VPS4A: variants seen among roughly 807,000 people sequenced by gnomAD.
VPS4A encodes the protein vacuolar protein sorting-associated protein 4A.
In VPS4A, 20 loss-of-function variants were observed where a neutral mutation model predicts 52.3. The observed-to-expected ratio is 0.38, with a 90% CI of 0.27 to 0.56. The LOEUF (loss-of-function observed/expected upper bound fraction) is 0.56, where lower values mean the gene tolerates loss of function less well. VPS4A is among the 20% of genes least tolerant of loss of function. VPS4A has a pLI of 0.72. For missense variants in VPS4A, 419 were observed against 575.9 expected, an observed-to-expected ratio of 0.73 and a Z score of 2.79; for synonymous variants, 293 against 227.7, an observed-to-expected ratio of 1.29 and a Z score of -2.58.
intron 4 of VPS4A, 41 bp downstream of exon 4, chr16:69,318,752 AGT>A (rs750253419): frequency 1.2e-6 from 2 of 1,612,902 alleles, no homozygotes; most frequent in South Asian, 2.2e-5. Flanking sequence ...AGGGGATGAG[AGT>A]GGGTCCGCTG....
At chr16:69,315,639 G>A (rs997663634) in intron 1 of VPS4A, among the ~76,000 whole-genome samples, 1 of 152,078 alleles carries the variant, frequency 6.6e-6, no homozygotes, top group Non-Finnish European at 1.5e-5. Context: ...ACTTGCTCCC[G>A]CGTGTCCCTT....
intron 10 of VPS4A, among the ~76,000 whole-genome samples, chr16:69,323,960 A>AAAAAAAG (rs1567425639): frequency 7.3e-5 from 11 of 151,098 alleles, no homozygotes; most frequent in African/African-American, 2.7e-4. Context: ...AAAAAAAAAA[A>AAAAAAAG]AAAAAGAAAG....
intron 5 of VPS4A, 110 bp downstream of exon 5, chr16:69,319,052 A>G (rs1965475884): frequency 2.0e-5 from 29 of 1,483,758 alleles, no homozygotes; most frequent in Non-Finnish European, 2.6e-5. Flanking sequence ...GGGCCTGCAG[A>G]GGGCCAGGCC....
intron 1 of VPS4A, among the ~76,000 whole-genome samples, chr16:69,313,845 A>G (rs767909216): frequency 1.3e-5 from 2 of 152,102 alleles, no homozygotes; most frequent in African/African-American, 4.8e-5. Context: ...ATCTTTTGCC[A>G]TACGTGTTAC....
At chr16:69,319,583 G>C in intron 6 of VPS4A, 40 bp downstream of exon 6, 1 of 1,587,984 alleles carries the variant, frequency 6.3e-7, no homozygotes, top group Non-Finnish European at 8.6e-7. Flanking sequence ...AGCAGCCCCG[G>C]CACTGCTAGT....
In VPS4A at chr16:69,324,234, C is replaced by T; in HGVS notation, c.1239C>T (p.Thr413=). ...CGGACATGCTGCGGTCTCTGGCCACCACCCGGCCCACGGTGAATGCAGACG... is the reference window on the plus strand; with the variant it reads ...CGGACATGCTGCGGTCTCTGGCCACTACCCGGCCCACGGTGAATGCAGACG... ...CMSDMLRSLA[T]TRPTVNADDL... The change falls in exon 11 of 11, where the codon ACC becomes ACT. Residue 413 remains threonine, a synonymous_variant. Transcript: ENST00000254950. 1.2e-6 allele frequency: 2 copies of T among 1,613,822 alleles called. No individual in the cohort carries two copies. The highest frequency in any genetic ancestry group is 2.2e-5 in the East Asian group (1 of 44,872).
chr16:69,320,990 C>A lies in VPS4A; in HGVS notation c.852-61C>A. On this transcript the variant is annotated intron_variant, in intron 8 of 10. Coordinates refer to ENST00000254950, the MANE Select transcript of VPS4A (RefSeq NM_013245.3). The surrounding 1 kb of genome is among the most constrained non-coding windows in gnomAD (Gnocchi z 4.2). Reference sequence around the variant, plus strand: ...GTTTCACTCAAATCTTCGTGCCTCCCCTTCCGTGAATACCATTCCATCATC... The same window carrying A: ...GTTTCACTCAAATCTTCGTGCCTCCACTTCCGTGAATACCATTCCATCATC... 6.7e-7 allele frequency: 1 copy of A among 1,495,618 alleles called. No homozygotes were observed. The allele number at this position is 1,495,618 out of a possible 1,614,324, so 92.6% of individuals were successfully genotyped here.
chr16:69,311,589 C>G (rs1405455958), intron 1 of VPS4A, 57 bp downstream of exon 1: 1 of 1,244,674 alleles, frequency 8.0e-7, no homozygotes, highest in Non-Finnish European at 1.0e-6. Flanking sequence ...GCCTGCGGGC[C>G]GCAGAGCCGG....
Position 69,320,703 on chromosome 16 carries a change from A to G in VPS4A, c.785A>G (p.Asn262Ser). The change falls in exon 8 of 11, where the codon AAT (asparagine) becomes AGT (serine). Residue 262 changes from asparagine to serine, a missense_variant. Asn to Ser is a conservative substitution (Grantham distance 46). Coordinates refer to ENST00000254950, the MANE Select transcript of VPS4A (RefSeq NM_013245.3). The surrounding 1 kb of genome is among the most constrained non-coding windows in gnomAD (Gnocchi z 4.2). The stretch of plus-strand genomic sequence containing the variant: ...TTCTCCACAGGGGTGGGGAATAACA[A>G]TGATGGGACTCTGGTTCTTGGAGCC... Reference protein sequence around the residue: ...LVQMQGVGNNNDGTLVLGATN... With the variant: ...LVQMQGVGNNSDGTLVLGATN... 2.5e-6 allele frequency: 4 copies of G among 1,606,606 alleles called. No individual in the cohort carries two copies. The South Asian group carries it at 3.4e-5, about 13-fold the overall frequency.
Position 69,311,468 on chromosome 16 carries a change from C to T in VPS4A, c.-44C>T. 1.6e-6 allele frequency: 2 copies of T among 1,290,012 alleles called. No individual in the cohort carries two copies. The highest frequency in any genetic ancestry group is 2.7e-5 in the South Asian group (1 of 36,706). The allele number at this position is 1,290,012 out of a possible 1,614,324, so 79.9% of individuals were successfully genotyped here. On this transcript the variant is annotated 5_prime_UTR_variant, in exon 1 of 11. Coordinates refer to ENST00000254950, the MANE Select transcript of VPS4A (RefSeq NM_013245.3). ...TCGGCTCCCCGGGGCCGGACCGAGG[C>T]CGCAAGCAGCGCCGCGGGGTGTGGG...
chr16:69,320,476 C>T lies in VPS4A; in HGVS notation c.769+187C>T. On this transcript the variant is annotated intron_variant, in intron 7 of 10. Transcript: ENST00000254950. The surrounding 1 kb of genome is among the most constrained non-coding windows in gnomAD (Gnocchi z 4.2). ...CCTGAGGCCTCTGCCTCACGGGCCACTCCACCCCTCCCATGGCAGGCAGTG... is the reference window on the plus strand; with the variant it reads ...CCTGAGGCCTCTGCCTCACGGGCCATTCCACCCCTCCCATGGCAGGCAGTG... The T allele has an allele frequency of 1.2e-6, 1 of 866,280 alleles. No homozygotes were observed. Among genetic ancestry groups the T allele is most frequent in the East Asian group, 2.7e-5 (1 of 37,492 alleles). The allele number at this position is 866,280 out of a possible 1,614,324, so 53.7% of individuals were successfully genotyped here.
chr16:69,321,748 ACAGT>A lies in VPS4A; in HGVS notation c.1071+481_1071+484del, dbSNP rs1272400406. ...TAGACCTTCCGTTGTTGGTGGGGAG[ACAGT>A]CAACACAGTCAGTGAGTGTCTCAGA... On this transcript the variant is annotated intron_variant, in intron 9 of 10. Coordinates refer to ENST00000254950, the MANE Select transcript of VPS4A (RefSeq NM_013245.3). The surrounding 1 kb of genome is among the most constrained non-coding windows in gnomAD (Gnocchi z 4.5). 2 of 186,788 alleles carry A rather than the reference ACAGT, an allele frequency of 1.1e-5. No homozygotes were observed. The highest frequency in any genetic ancestry group is 4.7e-5 in the African/African-American group (2 of 42,310). 11.6% of individuals were successfully genotyped at this position (186,788 alleles called of 1,614,324 possible). A position where few individuals can be genotyped will look rare whatever the true frequency, so the allele number is the denominator to read the frequency against.
rs763505487 is a variant in VPS4A at position 69,314,076 on chromosome 16, CT to C, written c.22-1931del. On this transcript the variant is annotated intron_variant, in intron 1 of 10. Transcript: ENST00000254950. ...CACCTCCTGGGTTCAAGCAATTCTC[CT>C]GCCTCAGCCTCCCAAGTAGCCGTAA... 1.2e-3 allele frequency among the ~76,000 whole-genome samples: 181 copies of C among 150,442 alleles called. 4 individuals carry two copies. Among genetic ancestry groups the C allele is most frequent in the Non-Finnish European group, 9.5e-4 (64 of 67,698 alleles).
At chr16:69,319,981 C>G (rs114293427) in intron 6 of VPS4A, among the ~76,000 whole-genome samples, 160 bp from the exon 7 acceptor site, 1 of 152,324 alleles carries the variant, frequency 6.6e-6, no homozygotes, top group Non-Finnish European at 1.5e-5. Context: ...CCTCTTGGTG[C>G]AGTGTGGCCC....
chr16:69,319,285 C>G (rs1965480289), intron 5 of VPS4A, 102 bp from the exon 6 acceptor site: 18 of 1,503,312 alleles, frequency 1.2e-5, no homozygotes, highest in Non-Finnish European at 1.6e-5. Flanking sequence ...CGTTGTTTCA[C>G]AGAATGCCCT....
chr16:69,320,364 G>A lies in VPS4A; in HGVS notation c.769+75G>A, dbSNP rs917536583. ...ACCCTGGGCTTTATTCTGAGCTGCG[G>A]CTGGATTTGGTTGTTCTCAGCCTCG... On this transcript the variant is annotated intron_variant, in intron 7 of 10. Coordinates refer to ENST00000254950, the MANE Select transcript of VPS4A (RefSeq NM_013245.3). The surrounding 1 kb of genome is among the most constrained non-coding windows in gnomAD (Gnocchi z 4.2). 2.2e-5 allele frequency: 35 copies of A among 1,567,894 alleles called. No individual in the cohort carries two copies. The highest frequency in any genetic ancestry group is 6.8e-5 in the East Asian group (3 of 44,158).
chr16:69,323,648 G>A (rs1231917945), intron 10 of VPS4A: 1 of 456,046 alleles, frequency 2.2e-6, no homozygotes, highest in Non-Finnish European at 4.4e-6. Flanking sequence ...TGTTGGGGGT[G>A]TGCAGCTAAG....
chr16:69,314,951 C>G lies in VPS4A; in HGVS notation c.22-1057C>G, dbSNP rs183276932. On this transcript the variant is annotated intron_variant, in intron 1 of 10. Transcript: ENST00000254950. ...GCTTTAAAACCATGTAGGTGCTTTA[C>G]TGACCGGTCGCGGTGGCTCATTTCT... 2.0e-5 allele frequency among the ~76,000 whole-genome samples: 3 copies of G among 152,194 alleles called. No individual in the cohort carries two copies. The East Asian group carries it at 5.8e-4, about 29-fold the overall frequency.
Position 69,321,017 on chromosome 16 carries a change from G to A in VPS4A, c.852-34G>A, listed in dbSNP as rs752720665. The stretch of plus-strand genomic sequence containing the variant: ...TTCCGTGAATACCATTCCATCATCC[G>A]CTGTCAACTCCTGCCGTGTGCTGGG... On this transcript the variant is annotated intron_variant, in intron 8 of 10. Transcript: ENST00000254950. This position sits in a 1 kb window ranked among gnomAD's most constrained non-coding sequence, Gnocchi z 4.5. 14 of 1,542,096 alleles carry A rather than the reference G, an allele frequency of 9.1e-6. No homozygotes were observed. Among genetic ancestry groups the A allele is most frequent in the South Asian group, 5.9e-5 (5 of 84,044 alleles).
Sources: allele counts gnomAD v4.1 joint callset (sites outside exome capture counted in the v4.1 genomes callset), GRCh38; gene constraint gnomAD v4.1.1; non-coding constraint Gnocchi (gnomAD v3.1); transcripts MANE v1.5; gene names NCBI Gene and HGNC (gene_info 2026-07-23, HGNC 2026-07-21).